The following SS18 variants were observed in gnomAD, a reference collection of about 807,000 sequenced individuals.
SS18 encodes protein SSXT.
In SS18, 28 loss-of-function variants were observed where a neutral mutation model predicts 72.5. The ratio of observed to expected loss-of-function variants is 0.39; its 90% CI spans 0.29 to 0.53. The LOEUF (loss-of-function observed/expected upper bound fraction) is 0.53. Ranked by LOEUF, SS18 falls within the 20% of genes least tolerant of loss-of-function variation. The pLI is 0.76. For missense variants in SS18, 518 were observed against 535.3 expected (o/e 0.97, Z 0.32); for synonymous variants, 172 against 164.2 (o/e 1.05, Z -0.37).
chr18:26,041,855 C>CT (rs1482237500), intron 5 of SS18, among the ~76,000 whole-genome samples: 2 of 152,102 alleles, frequency 1.3e-5, no homozygotes, highest in Non-Finnish European at 2.9e-5. Context: ...GCCACTTGTG[C>CT]TTTATCTTTT....
chr18:26,045,927 A>G (rs758113840), intron 5 of SS18, among the ~76,000 whole-genome samples: 3 of 152,094 alleles, frequency 2.0e-5, no homozygotes, highest in Non-Finnish European at 4.4e-5. Context: ...TCACGCCTGT[A>G]TGTACTCCCA....
intron 10 of SS18, among the ~76,000 whole-genome samples, chr18:26,022,926 G>A (rs187016362): frequency 6.6e-6 from 1 of 152,200 alleles, no homozygotes; most frequent in Admixed American, 6.5e-5. Flanking sequence ...AAGGGCATTG[G>A]GCAAAACACC....
chr18:26,063,740 T>C (rs899377879), intron 3 of SS18, among the ~76,000 whole-genome samples: 2 of 152,122 alleles, frequency 1.3e-5, no homozygotes, highest in African/African-American at 2.4e-5. Context: ...TTATTTTCAG[T>C]AGCTAAAGAT....
intron 3 of SS18, among the ~76,000 whole-genome samples, chr18:26,069,187 C>T (rs1020166774): frequency 1.3e-5 from 2 of 152,062 alleles, no homozygotes; most frequent in Admixed American, 6.6e-5. Flanking sequence ...TCTTTATTAT[C>T]GTCATCATCG....
At chr18:26,090,377 T>G in intron 1 of SS18, 124 bp downstream of exon 1, 1 of 952,102 alleles carries the variant, frequency 1.1e-6, no homozygotes, top group Non-Finnish European at 1.6e-6. Context: ...TCCCAAACAC[T>G]GCTGATTCCC....
intron 1 of SS18, among the ~76,000 whole-genome samples, chr18:26,088,313 T>C (rs2054652344): frequency 6.6e-6 from 1 of 152,222 alleles, no homozygotes; most frequent in Non-Finnish European, 1.5e-5. Flanking sequence ...AATTCTGTCC[T>C]TCTCCAGAAT....
At chr18:26,071,012 A>T (rs925999208) in intron 3 of SS18, among the ~76,000 whole-genome samples, 2 of 152,180 alleles carry the variant, frequency 1.3e-5, no homozygotes, top group African/African-American at 4.8e-5. Context: ...TAGGTATAAC[A>T]GATTAGGCCC....
intron 7 of SS18, among the ~76,000 whole-genome samples, chr18:26,037,323 T>A (rs1177747890): frequency 6.6e-6 from 1 of 152,118 alleles, no homozygotes; most frequent in Non-Finnish European, 1.5e-5. Context: ...ATGTCAAATT[T>A]AATTCTTTAA....
At position 26,035,137 on chromosome 18, in the gene SS18, A is replaced by G. The variant is rs764320350; in HGVS notation, c.974-10T>C. On this transcript the variant is annotated splice_polypyrimidine_tract_variant and intron_variant, in intron 8 of 10. Coordinates refer to ENST00000415083, the MANE Select transcript of SS18 (RefSeq NM_001007559.3). The surrounding 1 kb of genome is among the most constrained non-coding windows in gnomAD (Gnocchi z 4.4). ...CCATACTGTGAATTTCCTACAGGAT[A>G]ATTGGAGAAGAGGAAAAAAAACTGA... is the stretch of plus-strand genomic sequence containing the variant. The G allele has an allele frequency of 1.3e-5, 21 of 1,611,544 alleles. No individual in the cohort carries two copies. In the South Asian group the frequency reaches 2.2e-4, roughly 17 times the overall value.
chr18:26,039,317 C>G lies in SS18; in HGVS notation c.747G>C (p.Gln249His). The G allele has an allele frequency of 1.2e-6, 2 of 1,612,730 alleles. No homozygotes were observed. Among genetic ancestry groups the G allele is most frequent in the South Asian group, 2.2e-5 (2 of 90,944 alleles). Residue 249 changes from glutamine (Q) to histidine (H), a missense_variant, in exon 6 of 11, where the codon CAG (glutamine) becomes CAC (histidine). Coordinates refer to ENST00000415083, the MANE Select transcript of SS18 (RefSeq NM_001007559.3). ...GTTGAGGAGGTCTATAGGGAGGAAT[C>G]TGTCTCTGACCCATCATATGATTGC... ...NQGNHMMGQRQIPPYRPPQQG... is the reference protein window; with the variant it reads ...NQGNHMMGQRHIPPYRPPQQG...
At chr18:26,059,950 T>G (rs1302214391) in intron 3 of SS18, among the ~76,000 whole-genome samples, 1 of 152,210 alleles carries the variant, frequency 6.6e-6, no homozygotes, top group South Asian at 2.1e-4. Flanking sequence ...TATATGCTGG[T>G]GGAAATGTAA....
intron 2 of SS18, chr18:26,086,108 T>C (rs968405898): frequency 1.3e-5 from 2 of 152,162 alleles, no homozygotes; most frequent in Non-Finnish European, 2.9e-5. Flanking sequence ...CTAAACAATA[T>C]AGTATAACAA....
At chr18:26,080,551 T>C (rs908509701) in intron 2 of SS18, 2 of 180,516 alleles carry the variant, frequency 1.1e-5, no homozygotes, top group African/African-American at 4.8e-5. Flanking sequence ...AGCAGGACAC[T>C]GAAGTTGCCT....
In SS18 at chr18:26,045,360, C is replaced by T. The variant is rs531350191; in HGVS notation, c.608-5904G>A. On this transcript the variant is annotated intron_variant, in intron 5 of 10. Coordinates refer to ENST00000415083, the MANE Select transcript of SS18 (RefSeq NM_001007559.3). ...TCTTGGACCTTATTTCTTATGACTT[C>T]CCACTTTCACTCACTCCGCTCCAGT... 5.3e-5 allele frequency among the ~76,000 whole-genome samples: 8 copies of T among 152,244 alleles called. No individual in the cohort carries two copies. In the South Asian group the frequency reaches 1.7e-3, roughly 32 times the overall value.
intron 2 of SS18, among the ~76,000 whole-genome samples, chr18:26,082,764 C>T (rs1568033414): frequency 6.6e-6 from 1 of 152,174 alleles, no homozygotes; most frequent in East Asian, 1.9e-4. Context: ...CACAAAGGTA[C>T]TACCACTGAA....
intron 10 of SS18, among the ~76,000 whole-genome samples, chr18:26,025,516 C>T (rs892153156): frequency 4.0e-5 from 6 of 151,786 alleles, no homozygotes; most frequent in Non-Finnish European, 7.4e-5. Flanking sequence ...TTATTAATAT[C>T]AGAAATGAGA....
Position 26,018,313 on chromosome 18 carries a change from GGCT to G in SS18, c.*38_*40del. On this transcript the variant is annotated 3_prime_UTR_variant, in exon 11 of 11. Transcript: ENST00000415083. ...GTCCACAGTGCTGAGGTGACAATAT[GGCT>G]GCTAATAGATACTGGCTACTGGAAT... is the stretch of plus-strand genomic sequence containing the variant. 2 of 1,566,918 alleles carry G rather than the reference GGCT, an allele frequency of 1.3e-6. No homozygotes were observed. The highest frequency in any genetic ancestry group is 1.7e-4 in the Middle Eastern group (1 of 5,966).
At chr18:26,033,229 T>C (rs2053573193) in intron 9 of SS18, among the ~76,000 whole-genome samples, 1 of 152,168 alleles carries the variant, frequency 6.6e-6, no homozygotes, top group African/African-American at 2.4e-5. Context: ...ACTCTACTAG[T>C]TGGGCTTGGC....
At position 26,035,007 on chromosome 18, in the gene SS18, T is replaced by C. The variant is rs1280772686; in HGVS notation, c.1094A>G (p.Tyr365Cys). ...AAATACACTGTACAAAGCTTTACCGTAGCCCTGCTGCTGTCCTGGGTAACC... is the reference window on the plus strand; with the variant it reads ...AAATACACTGTACAAAGCTTTACCGCAGCCCTGCTGCTGTCCTGGGTAACC... ...QQGYPGQQQG[Y>C]GPSQGGPGPQ... Residue 365 changes from tyrosine to cysteine, a missense_variant and splice_region_variant, in exon 9 of 11, where the codon TAC becomes TGC. Physicochemically the swap from Tyr to Cys is radical, Grantham distance 194 (BLOSUM62 -2). Transcript: ENST00000415083. The surrounding 1 kb of genome is among the most constrained non-coding windows in gnomAD (Gnocchi z 4.4). The C allele has an allele frequency of 2.5e-6, 4 of 1,612,924 alleles. No individual in the cohort carries two copies. The highest frequency in any genetic ancestry group is 3.4e-6 in the Non-Finnish European group (4 of 1,179,328).
Sources: allele counts gnomAD v4.1 joint callset (sites outside exome capture counted in the v4.1 genomes callset), GRCh38; gene constraint gnomAD v4.1.1; non-coding constraint Gnocchi (gnomAD v3.1); transcripts MANE v1.5; gene names NCBI Gene and HGNC (gene_info 2026-07-23, HGNC 2026-07-21).